The following SHKBP1 variants were observed in gnomAD, a reference collection of about 807,000 sequenced individuals.
SHKBP1 encodes SH3KBP1 binding protein 1, also known as SH3KBP1-binding protein 1.
Under a neutral mutation model 83.9 loss-of-function variants are expected in SHKBP1, and 71 were observed. That is an observed-to-expected ratio of 0.85 (90% confidence interval 0.70 to 1.03). The LOEUF (loss-of-function observed/expected upper bound fraction) is 1.03. SHKBP1 is among the 50% of genes least tolerant of loss of function. SHKBP1 has a pLI of 0.00. For synonymous variants in SHKBP1, 371 were observed against 398.0 expected (o/e 0.93, Z 0.81); for missense variants, 824 against 982.4 (o/e 0.84, Z 2.16).
At position 40,577,449 on chromosome 19, in the gene SHKBP1, G is replaced by C; in HGVS notation, c.186+8G>C. ...AAAGATGAGACCGGAGCAGTGAGTC[G>C]GACAAGAACTGAAATGGGATGGGGG... On this transcript the variant is annotated splice_region_variant and intron_variant, in intron 3 of 17. Coordinates refer to ENST00000291842, the MANE Select transcript of SHKBP1 (RefSeq NM_138392.4). 6.2e-7 allele frequency: 1 copy of C among 1,614,006 alleles called. No individual in the cohort carries two copies. Among genetic ancestry groups the C allele is most frequent in the Non-Finnish European group, 8.5e-7 (1 of 1,179,982 alleles).
At position 40,586,428 on chromosome 19, in the gene SHKBP1, G is replaced by A. The variant is rs111469005; in HGVS notation, c.1166-346G>A. On this transcript the variant is annotated intron_variant, in intron 12 of 17. Transcript: ENST00000291842. The stretch of plus-strand genomic sequence containing the variant: ...GTCATGCAGGCTGGAGTGCAGTGGC[G>A]TGGTCTTGGCTCATTGCAACCTCTG... 1.8e-3 allele frequency among the ~76,000 whole-genome samples: 270 copies of A among 150,758 alleles called. 1 individual carries two copies. Among genetic ancestry groups the A allele is most frequent in the African/African-American group, 6.2e-3 (256 of 40,976 alleles).
Position 40,588,607 on chromosome 19 carries a change from C to G in SHKBP1, c.1337-17C>G. On this transcript the variant is annotated splice_polypyrimidine_tract_variant and intron_variant, in intron 13 of 17. Transcript: ENST00000291842. ...CCTGCACCAGGCCTGACTTCCTGCT[C>G]TCCTTGTGCCCCTCAGTCTGTGCCG... 1 of 1,613,994 alleles carries G rather than the reference C, an allele frequency of 6.2e-7. No individual in the cohort carries two copies. Among genetic ancestry groups the G allele is most frequent in the Non-Finnish European group, 8.5e-7 (1 of 1,179,878 alleles).
intron 1 of SHKBP1, 103 bp downstream of exon 1, chr19:40,577,088 C>G (rs1599834678): frequency 1.7e-5 from 1 of 58,534 alleles, no homozygotes; most frequent in Non-Finnish European, 2.6e-5. Flanking sequence ...GGTTGCTCCG[C>G]CCCCCCCCCC....
chr19:40,582,743 G>C (rs759387531), intron 10 of SHKBP1, among the ~76,000 whole-genome samples: 1 of 151,234 alleles, frequency 6.6e-6, no homozygotes, highest in African/African-American at 2.4e-5. Flanking sequence ...AGCAGGTTAG[G>C]GGGGATGCTG....
rs537019025 is a variant in SHKBP1 at position 40,590,915 on chromosome 19, C to T, written c.1893-61C>T. The stretch of plus-strand genomic sequence containing the variant: ...GGGAGAGGGGACAGCATGGTGTTCC[C>T]GGGGACAGAGTGGCCCAGCTGCCCC... On this transcript the variant is annotated intron_variant, in intron 17 of 17. Transcript: ENST00000291842. This position sits in a 1 kb window ranked among gnomAD's most constrained non-coding sequence, Gnocchi z 4.6. 675 of 1,570,468 alleles carry T rather than the reference C, an allele frequency of 4.3e-4. 3 individuals carry two copies. The highest frequency in any genetic ancestry group is 2.0e-4 in the Non-Finnish European group (225 of 1,150,058).
At chr19:40,578,644 A>G in intron 6 of SHKBP1, 102 bp downstream of exon 6, 1 of 1,020,266 alleles carries the variant, frequency 9.8e-7, no homozygotes, top group South Asian at 1.3e-5. Flanking sequence ...GTCCTGAGAT[A>G]CAGTGGGAGG....
At position 40,591,233 on chromosome 19, in the gene SHKBP1, G is replaced by A; in HGVS notation, c.*26G>A. On this transcript the variant is annotated 3_prime_UTR_variant, in exon 18 of 18. Coordinates refer to ENST00000291842, the MANE Select transcript of SHKBP1 (RefSeq NM_138392.4). Reference sequence around the variant, plus strand: ...ACAACGCAGCTGCCATGATGCCTTGGGATGCCCTGGTCCTGGGGGACTCAG... The same window carrying A: ...ACAACGCAGCTGCCATGATGCCTTGAGATGCCCTGGTCCTGGGGGACTCAG... The A allele has an allele frequency of 6.5e-7, 1 of 1,545,574 alleles. No homozygotes were observed. Among genetic ancestry groups the A allele is most frequent in the East Asian group, 2.3e-5 (1 of 43,380 alleles).
At chr19:40,587,455 G>A (rs1403632095) in intron 13 of SHKBP1, among the ~76,000 whole-genome samples, 4 of 152,134 alleles carry the variant, frequency 2.6e-5, no homozygotes, top group Admixed American at 1.3e-4. Flanking sequence ...GCCAGGTGTG[G>A]TGGCACGTGC....
At chr19:40,578,845 G>C (rs2081244705) in intron 6 of SHKBP1, among the ~76,000 whole-genome samples, 1 of 152,132 alleles carries the variant, frequency 6.6e-6, no homozygotes, top group Non-Finnish European at 1.5e-5. Context: ...GTATGGAGGG[G>C]AGAAATATTA....
intron 6 of SHKBP1, chr19:40,580,119 G>A: frequency 1.8e-6 from 1 of 557,006 alleles, no homozygotes; most frequent in Middle Eastern, 4.8e-4. Flanking sequence ...GTCTTCCTCT[G>A]TGCTGGGCTC....
intron 10 of SHKBP1, among the ~76,000 whole-genome samples, chr19:40,582,745 G>A (rs544784513): frequency 6.6e-6 from 1 of 151,206 alleles, no homozygotes; most frequent in African/African-American, 2.4e-5. Flanking sequence ...CAGGTTAGGG[G>A]GGATGCTGTA....
At chr19:40,580,722 G>A (rs749636248) in intron 8 of SHKBP1, 24 bp from the exon 9 acceptor site, 1 of 1,613,602 alleles carries the variant, frequency 6.2e-7, no homozygotes, top group South Asian at 1.1e-5. Flanking sequence ...GGTGAGGGTT[G>A]GTGATGTCCC....
In SHKBP1 at chr19:40,580,737, A is replaced by T; in HGVS notation, c.654-9A>T. 1 of 1,612,474 alleles carries T rather than the reference A, an allele frequency of 6.2e-7. No individual in the cohort carries two copies. Among genetic ancestry groups the T allele is most frequent in the Non-Finnish European group, 8.5e-7 (1 of 1,178,950 alleles). On this transcript the variant is annotated splice_polypyrimidine_tract_variant and intron_variant, in intron 8 of 17. Coordinates refer to ENST00000291842, the MANE Select transcript of SHKBP1 (RefSeq NM_138392.4). ...GGTGAGGGTTGGTGATGTCCCCTCG[A>T]TCCTACAGGTTGAAGGAAGCCTCTG...
At chr19:40,580,243 A>T in intron 6 of SHKBP1, 81 bp from the exon 7 acceptor site, 1 of 1,494,522 alleles carries the variant, frequency 6.7e-7, no homozygotes, top group Admixed American at 2.0e-5. Context: ...GGGGAAATCA[A>T]TCACCGTCAT....
rs12977500 is a variant in SHKBP1 at position 40,588,859 on chromosome 19, G to A, written c.1492+80G>A. On this transcript the variant is annotated intron_variant, in intron 14 of 17. Coordinates refer to ENST00000291842, the MANE Select transcript of SHKBP1 (RefSeq NM_138392.4). ...TTGACCTCCGCTGATTCCCACTTGC[G>A]GCCACCTGACCCAGGAGCCTGCAAC... 0.15 allele frequency: 233,019 copies of A among 1,547,678 alleles called. 18,670 individuals carry two copies. The highest frequency in any genetic ancestry group is 0.19 in the African/African-American group (14,036 of 73,530).
intron 12 of SHKBP1, chr19:40,585,549 T>C (rs77114676): frequency 6.6e-6 from 1 of 150,478 alleles, no homozygotes; most frequent in Non-Finnish European, 1.5e-5. Context: ...TTTTTTTTTT[T>C]TGTCTTTTCC....
Position 40,588,787 on chromosome 19 carries a change from C to G in SHKBP1, c.1492+8C>G, listed in dbSNP as rs755638303. On this transcript the variant is annotated splice_region_variant and intron_variant, in intron 14 of 17. Coordinates refer to ENST00000291842, the MANE Select transcript of SHKBP1 (RefSeq NM_138392.4). ...GTGCTGGCAATGACATTGGTGCCTA[C>G]TGGCTCCTGGCCTTCCCACCCCACT... 2 of 1,611,924 alleles carry G rather than the reference C, an allele frequency of 1.2e-6. No individual in the cohort carries two copies. Among genetic ancestry groups the G allele is most frequent in the Non-Finnish European group, 1.7e-6 (2 of 1,179,928 alleles).
rs188237130 is a variant in SHKBP1, at chr19:40,582,215, C to T, written c.845-136C>T. 6.6e-4 allele frequency: 484 copies of T among 732,174 alleles called. 1 individual carries two copies. The African/African-American group carries it at 7.7e-3, about 12-fold the overall frequency. 45.4% of individuals were successfully genotyped at this position (732,174 alleles called of 1,614,324 possible). On this transcript the variant is annotated intron_variant, in intron 9 of 17. Transcript: ENST00000291842. ...GGGATTACAGGTGTGAGCCACTGTG[C>T]CCAGCCCCTGATGGAATCTTCTATC... is the stretch of plus-strand genomic sequence containing the variant.
rs769311264 is a variant in SHKBP1, at chr19:40,580,842, G to A, written c.750G>A (p.Gly250=). 1 of 1,613,428 alleles carries A rather than the reference G, an allele frequency of 6.2e-7. No homozygotes were observed. The highest frequency in any genetic ancestry group is 1.3e-5 in the African/African-American group (1 of 74,882). The change falls in exon 9 of 18, where the codon GGG becomes GGA. Residue 250 remains glycine, a synonymous_variant. Transcript: ENST00000291842. The stretch of plus-strand genomic sequence containing the variant: ...CGCTCACAGCCCGGGTGCATGGTGG[G>A]GCTTTGGGTGAACATGACAAGATGG... ...RLALTARVHG[G]ALGEHDKMVA... is the part of the protein sequence containing the mutation.
Sources: allele counts gnomAD v4.1 joint callset (sites outside exome capture counted in the v4.1 genomes callset), GRCh38; gene constraint gnomAD v4.1.1; non-coding constraint Gnocchi (gnomAD v3.1); transcripts MANE v1.5; gene names NCBI Gene and HGNC (gene_info 2026-07-23, HGNC 2026-07-21).